Variants in ERCC4 observed in about 807,000 individuals in gnomAD.
ERCC4 encodes the protein ERCC excision repair 4, endonuclease catalytic subunit.
ERCC4 carries 65 observed loss-of-function variants against 76.9 expected under a neutral mutation model. That is an observed-to-expected ratio of 0.84 (90% CI 0.69 to 1.04). The LOEUF is 1.04. Among genes scored for constraint, ERCC4 ranks in the 50% least tolerant of loss-of-function variants. The probability of loss-of-function intolerance (pLI) is 0.00; values close to 1 mark genes in which losing one functional copy is unlikely to be tolerated. For missense variants in ERCC4, 1,214 were observed against 1,128.2 expected (o/e 1.08, Z -1.09); for synonymous variants, 463 against 410.1 (o/e 1.13, Z -1.56).
In ERCC4 at chr16:13,949,215, G is replaced by A. The variant is rs1431982059; in HGVS notation, c.*868G>A. The A allele has an allele frequency of 1.3e-5, 3 of 233,092 alleles. No homozygotes were observed. Among genetic ancestry groups the A allele is most frequent in the African/African-American group, 6.6e-5 (3 of 45,318 alleles). The allele number at this position is 233,092 out of a possible 1,614,324, so 14.4% of individuals were successfully genotyped here. On this transcript the variant is annotated 3_prime_UTR_variant, in exon 11 of 11. Coordinates refer to ENST00000311895, the MANE Select transcript of ERCC4 (RefSeq NM_005236.3). ...AATTCTCAATTTTTGCACATATTCAGTCTCCTAATATCAGAGATCCCTAAG... is the reference window on the plus strand; with the variant it reads ...AATTCTCAATTTTTGCACATATTCAATCTCCTAATATCAGAGATCCCTAAG...
intron 7 of ERCC4, chr16:13,934,811 A>C (rs1275169322): frequency 3.9e-6 from 1 of 258,642 alleles, no homozygotes; most frequent in Admixed American, 4.8e-5. Context: ...AAAAGAGGAA[A>C]AATCCATTTG....
chr16:13,942,391 A>G (rs2032427903), intron 9 of ERCC4, among the ~76,000 whole-genome samples: 2 of 152,358 alleles, frequency 1.3e-5, no homozygotes, highest in African/African-American at 2.4e-5. Context: ...TTCTGTAGCT[A>G]TTAATGGAAA....
intron 2 of ERCC4, chr16:13,922,718 T>C (rs2032002452): frequency 2.8e-6 from 1 of 362,194 alleles, no homozygotes; most frequent in East Asian, 6.9e-5. Flanking sequence ...TTCTACATTT[T>C]TATTTTTGTC....
intron 10 of ERCC4, among the ~76,000 whole-genome samples, chr16:13,947,377 G>A (rs773724389): frequency 7.9e-5 from 12 of 152,184 alleles, no homozygotes; most frequent in Non-Finnish European, 1.6e-4. Context: ...ATGAATCATC[G>A]CAAGTAAGGA....
At chr16:13,940,904 G>A (rs1279916176) in intron 9 of ERCC4, among the ~76,000 whole-genome samples, 3 of 152,182 alleles carry the variant, frequency 2.0e-5, no homozygotes, top group Non-Finnish European at 2.9e-5. Flanking sequence ...CCTGCACAGC[G>A]TTAGAGCCAG....
Position 13,947,690 on chromosome 16 carries a change from G to C in ERCC4, c.2094G>C (p.Leu698=). 1 of 1,614,216 alleles carries C rather than the reference G, an allele frequency of 6.2e-7. No homozygotes were observed. The highest frequency in any genetic ancestry group is 1.1e-5 in the South Asian group (1 of 91,080). ...AATTTCGAAGTGAGCTTCCATCTCTGATCCATCGTCGGGGCATTGACATTG... is the reference window on the plus strand; with the variant it reads ...AATTTCGAAGTGAGCTTCCATCTCTCATCCATCGTCGGGGCATTGACATTG... ...MREFRSELPS[L]IHRRGIDIEP... is the part of the protein sequence containing the mutation. The change falls in exon 11 of 11, where the codon CTG becomes CTC. Residue 698 remains leucine, a synonymous_variant. Transcript: ENST00000311895.
intron 9 of ERCC4, among the ~76,000 whole-genome samples, chr16:13,942,118 A>G (rs371264907): frequency 2.9e-4 from 44 of 152,332 alleles, no homozygotes; most frequent in African/African-American, 9.9e-4. Context: ...TAAAGCAAAC[A>G]TAGGAAAGCT....
chr16:13,941,519 A>G (rs1379047474), intron 9 of ERCC4, among the ~76,000 whole-genome samples: 1 of 152,250 alleles, frequency 6.6e-6, no homozygotes, highest in East Asian at 1.9e-4. Context: ...TCCATGGGTG[A>G]TGTTGTAAGA....
intron 9 of ERCC4, among the ~76,000 whole-genome samples, chr16:13,944,383 C>T (rs1405421977): frequency 6.6e-6 from 1 of 152,098 alleles, no homozygotes; most frequent in Non-Finnish European, 1.5e-5. Context: ...CAAACAGTCT[C>T]AAGAATCTCT....
intron 9 of ERCC4, chr16:13,943,832 C>T (rs868733937): frequency 1.4e-4 from 21 of 151,962 alleles, no homozygotes; most frequent in African/African-American, 4.8e-4. Flanking sequence ...TCATACCTGG[C>T]AGAATTAATT....
chr16:13,942,597 A>C (rs2032434016), intron 9 of ERCC4, among the ~76,000 whole-genome samples: 1 of 152,198 alleles, frequency 6.6e-6, no homozygotes, highest in African/African-American at 2.4e-5. Flanking sequence ...CTTTTGAGGT[A>C]AGTTTTTAAA....
At chr16:13,928,925 A>G (rs955283445) in intron 4 of ERCC4, among the ~76,000 whole-genome samples, 6 of 152,166 alleles carry the variant, frequency 3.9e-5, no homozygotes, top group African/African-American at 1.4e-4. Flanking sequence ...GTCAATCTCT[A>G]TGTCACTGGC....
chr16:13,948,353 G>T lies in ERCC4; in HGVS notation c.*6G>T. ...AAGGAAAAGGGAAAAAGTGAACAGT[G>T]ATGGCTGTTTTCTTATCCCATGCCT... On this transcript the variant is annotated 3_prime_UTR_variant, in exon 11 of 11. Transcript: ENST00000311895. 6.2e-7 allele frequency: 1 copy of T among 1,607,748 alleles called. No individual in the cohort carries two copies. Among genetic ancestry groups the T allele is most frequent in the Non-Finnish European group, 8.5e-7 (1 of 1,179,934 alleles).
At chr16:13,941,251 A>G (rs569179737) in intron 9 of ERCC4, among the ~76,000 whole-genome samples, 214 of 152,338 alleles carry the variant, frequency 1.4e-3, no homozygotes, top group Non-Finnish European at 4.0e-4. Context: ...GTTATCTGGC[A>G]TAATTTTTAA....
rs1193180379 is a variant in ERCC4, at chr16:13,947,822, C to T, written c.2226C>T (p.Tyr742=). The T allele has an allele frequency of 6.2e-7, 1 of 1,614,242 alleles. No individual in the cohort carries two copies. The change falls in exon 11 of 11, where the codon TAC becomes TAT. Residue 742 remains tyrosine, a synonymous_variant. Coordinates refer to ENST00000311895, the MANE Select transcript of ERCC4 (RefSeq NM_005236.3). ...LIGSLNNGRL[Y]SQCISMSRYY... is the part of the protein sequence containing the mutation. ...GCTCTTTAAATAACGGCCGCCTCTA[C>T]AGCCAGTGCATCTCCATGTCCCGCT...
chr16:13,938,952 C>G (rs892292301), intron 9 of ERCC4, among the ~76,000 whole-genome samples: 8 of 152,200 alleles, frequency 5.3e-5, no homozygotes, highest in African/African-American at 9.7e-5. Context: ...CCCTCTTTTC[C>G]CTTCACATCC....
At chr16:13,939,046 A>G (rs1160080759) in intron 9 of ERCC4, among the ~76,000 whole-genome samples, 1 of 152,160 alleles carries the variant, frequency 6.6e-6, no homozygotes, top group Non-Finnish European at 1.5e-5. Context: ...GCCTATGAAA[A>G]TATGTTTCCT....
At chr16:13,922,312 G>C (rs1344852692) in intron 2 of ERCC4, 101 bp downstream of exon 2, 1 of 894,210 alleles carries the variant, frequency 1.1e-6, no homozygotes, top group Non-Finnish European at 1.8e-6. Context: ...TCTGTCTTCA[G>C]TCTTGAAGGA....
chr16:13,949,966 T>C lies in ERCC4; in HGVS notation c.*1619T>C. The C allele has an allele frequency of 4.4e-6, 1 of 228,208 alleles. No homozygotes were observed. Among genetic ancestry groups the C allele is most frequent in the Non-Finnish European group, 8.7e-6 (1 of 115,038 alleles). 14.1% of individuals were successfully genotyped at this position (228,208 alleles called of 1,614,324 possible). A position where few individuals can be genotyped will look rare whatever the true frequency, so the allele number is the denominator to read the frequency against. ...TCTTCAACTTTAACAAAATTGTCAT[T>C]GTTATTTTTTTTTGAGACAGAGTCT... On this transcript the variant is annotated 3_prime_UTR_variant, in exon 11 of 11. Coordinates refer to ENST00000311895, the MANE Select transcript of ERCC4 (RefSeq NM_005236.3).
Sources: allele counts gnomAD v4.1 joint callset (sites outside exome capture counted in the v4.1 genomes callset), GRCh38; gene constraint gnomAD v4.1.1; transcripts MANE v1.5; gene names NCBI Gene and HGNC (gene_info 2026-07-23, HGNC 2026-07-21).